FSTL5: variants seen among roughly 807,000 people sequenced by gnomAD.
FSTL5 encodes the protein follistatin like 5.
In FSTL5, 62 loss-of-function variants were observed where a neutral mutation model predicts 89.1. That is an observed-to-expected ratio of 0.70 (90% CI 0.57 to 0.86). FSTL5 has a LOEUF of 0.86. FSTL5 is among the 40% of genes least tolerant of loss of function. The pLI, the probability that FSTL5 is intolerant of heterozygous loss-of-function variation, is 0.00. For synonymous variants in FSTL5, 383 were observed against 346.2 expected (o/e 1.11, Z -1.18); for missense variants, 1,057 against 1,001.6 (o/e 1.06, Z -0.75).
intron 2 of FSTL5, among the ~76,000 whole-genome samples, chr4:162,083,966 T>C (rs1469989201): frequency 1.3e-5 from 2 of 151,916 alleles, no homozygotes; most frequent in Admixed American, 6.6e-5. Flanking sequence ...AATGCAACAA[T>C]AAATCATTTT....
intron 15 of FSTL5, among the ~76,000 whole-genome samples, chr4:161,400,701 T>C (rs1275293692): frequency 1.3e-5 from 2 of 152,142 alleles, no homozygotes; most frequent in African/African-American, 4.8e-5. Context: ...TTATAACCTA[T>C]TGTATAATAT....
intron 4 of FSTL5, among the ~76,000 whole-genome samples, chr4:161,889,959 TG>T (rs1303487841): frequency 1.3e-5 from 2 of 152,236 alleles, no homozygotes; most frequent in African/African-American, 4.8e-5. Context: ...TTTTGTAATA[TG>T]GTATCATAAT....
chr4:161,763,494 T>G (rs1051070478), intron 5 of FSTL5, among the ~76,000 whole-genome samples: 1 of 152,088 alleles, frequency 6.6e-6, no homozygotes, highest in African/African-American at 2.4e-5. Context: ...TGGGATTGAT[T>G]TTGATAATGT....
At chr4:161,820,187 T>C (rs1730448423) in intron 4 of FSTL5, among the ~76,000 whole-genome samples, 1 of 152,156 alleles carries the variant, frequency 6.6e-6, no homozygotes, top group African/African-American at 2.4e-5. Flanking sequence ...ATTTTCTAAT[T>C]GAAATAAAAA....
chr4:162,052,581 G>A (rs988825693), intron 2 of FSTL5, among the ~76,000 whole-genome samples: 4 of 151,656 alleles, frequency 2.6e-5, no homozygotes, highest in Non-Finnish European at 4.4e-5. Flanking sequence ...CCAGAGAGAG[G>A]ATGACCATCA....
chr4:161,776,047 C>T lies in FSTL5; in HGVS notation c.437G>A (p.Ser146Asn). 4 of 1,573,470 alleles carry T rather than the reference C, an allele frequency of 2.5e-6. No homozygotes were observed. The highest frequency in any genetic ancestry group is 1.7e-6 in the Non-Finnish European group (2 of 1,150,628). Reference sequence around the variant, plus strand: ...ATCTAATAGCATATTTTTCATCTTGCTGTATTCAGTAGTCTTGCACTTATC... The same window carrying T: ...ATCTAATAGCATATTTTTCATCTTGTTGTATTCAGTAGTCTTGCACTTATC... ...KGDKCKTTEY[S>N]KMKNMLLDLQ... The change falls in exon 5 of 16, where the codon AGC becomes AAC. Residue 146 changes from serine to asparagine, a missense_variant. By Grantham distance (46) the Ser-to-Asn change is conservative. Coordinates refer to ENST00000306100, the MANE Select transcript of FSTL5 (RefSeq NM_020116.5).
At chr4:161,955,679 T>TA (rs138050258) in intron 3 of FSTL5, among the ~76,000 whole-genome samples, 7,825 of 151,936 alleles carry the variant, frequency 0.052, 250 homozygotes, top group Non-Finnish European at 0.076. Context: ...GCAGCCTAGT[T>TA]AAAAAGTATT....
At chr4:161,526,827 C>T (rs1731236519) in intron 10 of FSTL5, among the ~76,000 whole-genome samples, 1 of 152,094 alleles carries the variant, frequency 6.6e-6, no homozygotes, top group African/African-American at 2.4e-5. Flanking sequence ...GGTACCAGTA[C>T]CATGCTGTTT....
chr4:161,999,512 T>A, intron 3 of FSTL5, among the ~76,000 whole-genome samples: 1 of 152,112 alleles, frequency 6.6e-6, no homozygotes, highest in East Asian at 1.9e-4. Flanking sequence ...GTAGAGTAAA[T>A]CTCTTTTTAA....
intron 2 of FSTL5, among the ~76,000 whole-genome samples, chr4:162,068,147 A>G (rs1162461405): frequency 2.0e-5 from 3 of 152,152 alleles, no homozygotes; most frequent in Non-Finnish European, 4.4e-5. Context: ...TATAGATTCA[A>G]TGCTATTCCC....
intron 4 of FSTL5, among the ~76,000 whole-genome samples, chr4:161,801,082 T>C (rs934307781): frequency 2.6e-5 from 4 of 151,576 alleles, no homozygotes; most frequent in Non-Finnish European, 5.9e-5. Flanking sequence ...AGTGCTACAC[T>C]TGTCATATTC....
At chr4:162,042,634 AT>A (rs1449558721) in intron 2 of FSTL5, among the ~76,000 whole-genome samples, 1 of 152,068 alleles carries the variant, frequency 6.6e-6, no homozygotes, top group Non-Finnish European at 1.5e-5. Flanking sequence ...ATTATATAAT[AT>A]ACTTTTAAAA....
At chr4:161,758,303 A>G (rs1426007347) in intron 6 of FSTL5, among the ~76,000 whole-genome samples, 1 of 152,142 alleles carries the variant, frequency 6.6e-6, no homozygotes, top group African/African-American at 2.4e-5. Context: ...TTTTTACACA[A>G]GTACGTATTC....
chr4:161,400,361 A>C (rs888873495), intron 15 of FSTL5, among the ~76,000 whole-genome samples: 5 of 152,070 alleles, frequency 3.3e-5, no homozygotes, highest in Non-Finnish European at 7.4e-5. Flanking sequence ...AAAATTTCAG[A>C]TAGTTCTCAT....
intron 7 of FSTL5, among the ~76,000 whole-genome samples, chr4:161,627,097 C>G (rs753236748): frequency 9.2e-5 from 14 of 152,122 alleles, no homozygotes; most frequent in Non-Finnish European, 4.4e-5. Context: ...TAATTGACTT[C>G]AATTGTGAAA....
rs982094698 is a variant in FSTL5 at position 162,060,851 on chromosome 4, C to T, written c.127-27193G>A. 2.0e-5 allele frequency among the ~76,000 whole-genome samples: 3 copies of T among 151,956 alleles called. No individual in the cohort carries two copies. The South Asian group carries it at 6.2e-4, about 31-fold the overall frequency. On this transcript the variant is annotated intron_variant, in intron 2 of 15. Transcript: ENST00000306100. ...GACATCATGAAAAAAACCAAAGGTT[C>T]TTCTATTGACAACTGTCTTAATATA...
intron 4 of FSTL5, among the ~76,000 whole-genome samples, chr4:161,902,319 A>C (rs1191221813): frequency 1.3e-5 from 2 of 152,214 alleles, no homozygotes; most frequent in Non-Finnish European, 1.5e-5. Flanking sequence ...AGTAGTAATA[A>C]GCCTTATCCA....
intron 3 of FSTL5, among the ~76,000 whole-genome samples, chr4:161,994,062 T>C (rs11729903): frequency 0.56 from 85,102 of 151,898 alleles, 24,036 homozygotes; most frequent in Middle Eastern, 0.68. Flanking sequence ...TTCAACCTCA[T>C]GAGGCCAGAG....
chr4:161,739,476 T>G (rs1739929817), intron 6 of FSTL5, among the ~76,000 whole-genome samples: 1 of 152,208 alleles, frequency 6.6e-6, no homozygotes, highest in Non-Finnish European at 1.5e-5. Context: ...CCTAGCAAAT[T>G]AATACAATTT....
Sources: allele counts gnomAD v4.1 joint callset (sites outside exome capture counted in the v4.1 genomes callset), GRCh38; gene constraint gnomAD v4.1.1; transcripts MANE v1.5; gene names NCBI Gene and HGNC (gene_info 2026-07-23, HGNC 2026-07-21).